ARMH4: variants seen among roughly 807,000 people sequenced by gnomAD.
ARMH4 encodes armadillo-like helical domain-containing protein 4.
In ARMH4, 49 loss-of-function variants were observed where a neutral mutation model predicts 61.9. The ratio of observed to expected loss-of-function variants is 0.79; its 90% CI spans 0.63 to 1.00. ARMH4 has a LOEUF of 1.00. Among genes scored for constraint, ARMH4 ranks in the 50% least tolerant of loss-of-function variants. The pLI is 0.00. For missense variants in ARMH4, 934 were observed against 930.0 expected (o/e 1.00, Z -0.06); for synonymous variants, 368 against 341.5 (o/e 1.08, Z -0.85).
At chr14:58,104,552 T>C (rs1886107187) in intron 4 of ARMH4, among the ~76,000 whole-genome samples, 1 of 152,344 alleles carries the variant, frequency 6.6e-6, no homozygotes, top group African/African-American at 2.4e-5. Flanking sequence ...ATGTTCTTTT[T>C]ATGGGCCTAC....
intron 6 of ARMH4, among the ~76,000 whole-genome samples, chr14:58,010,239 GATATATGTATATAT>G (rs1469852449): frequency 9.0e-6 from 1 of 110,632 alleles, no homozygotes; most frequent in Non-Finnish European, 2.1e-5. Context: ...GAGTGAGGAA[GATATATGTATATAT>G]ATATATGTGT....
intron 5 of ARMH4, among the ~76,000 whole-genome samples, chr14:58,071,339 T>A (rs1454716207): frequency 2.0e-5 from 3 of 152,130 alleles, no homozygotes. Context: ...TTGGAACTCT[T>A]AATAAATTGA....
intron 5 of ARMH4, among the ~76,000 whole-genome samples, chr14:58,012,588 C>T (rs1021382040): frequency 3.9e-5 from 6 of 152,174 alleles, no homozygotes; most frequent in Admixed American, 3.3e-4. Context: ...GGAAAATAAG[C>T]AAGCCCAGGT....
chr14:58,116,852 C>T (rs370508773), intron 4 of ARMH4, among the ~76,000 whole-genome samples: 9 of 152,140 alleles, frequency 5.9e-5, no homozygotes, highest in Non-Finnish European at 5.9e-5. Flanking sequence ...CAGCCATGAG[C>T]CCATATAATT....
intron 1 of ARMH4, among the ~76,000 whole-genome samples, chr14:58,148,114 A>G (rs182490736): frequency 1.3e-5 from 2 of 152,160 alleles, no homozygotes; most frequent in East Asian, 3.9e-4. Flanking sequence ...CAGTGGCATG[A>G]TCTCGGCTCA....
Position 58,139,089 on chromosome 14 carries a change from G to A in ARMH4, c.270C>T (p.Phe90=), listed in dbSNP as rs369357095. 1.1e-5 allele frequency: 17 copies of A among 1,614,114 alleles called. No homozygotes were observed. Among genetic ancestry groups the A allele is most frequent in the Non-Finnish European group, 1.4e-5 (17 of 1,180,044 alleles). ...VPSATSLNKA[F]SINKETQPGQ... ...CAGGCTGGGTTTCTTTGTTAATCGA[G>A]AATGCTTTATTTAATGATGTTGCCG... Residue 90 remains phenylalanine, a synonymous_variant, in exon 2 of 8, where the codon TTC becomes TTT. Coordinates refer to ENST00000267485, the MANE Select transcript of ARMH4 (RefSeq NM_001001872.4).
In ARMH4 at chr14:58,053,181, T is replaced by C. The variant is rs116927417; in HGVS notation, c.2090-41031A>G. ...ATTCTTGTTACTTCTTCACTCCACTTCCACTCTTTATATAGCAGTCCTTAC... is the reference window on the plus strand; with the variant it reads ...ATTCTTGTTACTTCTTCACTCCACTCCCACTCTTTATATAGCAGTCCTTAC... On this transcript the variant is annotated intron_variant, in intron 5 of 7. Transcript: ENST00000267485. Among the ~76,000 whole-genome samples, 979 of 152,288 alleles carry C rather than the reference T, an allele frequency of 6.4e-3. 6 individuals are homozygous for C. The highest frequency in any genetic ancestry group is 0.011 in the Non-Finnish European group (748 of 68,008).
chr14:58,005,159 C>T lies in ARMH4; in HGVS notation c.2145G>A (p.Leu715=). The T allele has an allele frequency of 6.2e-7, 1 of 1,613,964 alleles. No individual in the cohort carries two copies. ...KDKAGYMSGM[L]VPVGVGIAGA... is the part of the protein sequence containing the mutation. ...CAGCTATCCCAACCCCTACAGGCAC[C>T]AGCATCCCAGACATGTAACCAGCCT... Residue 715 remains leucine (L), a synonymous_variant, in exon 7 of 8, where the codon CTG becomes CTA. Coordinates refer to ENST00000267485, the MANE Select transcript of ARMH4 (RefSeq NM_001001872.4).
intron 5 of ARMH4, among the ~76,000 whole-genome samples, chr14:58,046,681 G>GGACT (rs1232404899): frequency 3.3e-5 from 5 of 152,076 alleles, no homozygotes; most frequent in African/African-American, 1.2e-4. Context: ...ACTTCCCAAG[G>GGACT]GACTTTCTTT....
intron 1 of ARMH4, among the ~76,000 whole-genome samples, chr14:58,146,423 T>C (rs908147767): frequency 1.3e-5 from 2 of 152,232 alleles, no homozygotes; most frequent in African/African-American, 4.8e-5. Context: ...CTAACCAAAT[T>C]ACCAACTGAT....
intron 5 of ARMH4, among the ~76,000 whole-genome samples, chr14:58,024,415 A>G (rs1882950355): frequency 6.6e-6 from 1 of 152,178 alleles, no homozygotes; most frequent in Non-Finnish European, 1.5e-5. Context: ...GCCTTCATAG[A>G]ATTTAAGAGA....
rs937221449 is a variant in ARMH4 at position 58,002,005 on chromosome 14, G to A, written c.*2731C>T. On this transcript the variant is annotated 3_prime_UTR_variant, in exon 8 of 8. Transcript: ENST00000267485. ...TTCACTGTTAAATGTTTTAAGCCTA[G>A]TTGTTTGAATAAAAAGTTGACTTTC... The A allele has an allele frequency of 6.6e-6, 1 of 152,134 alleles. No individual in the cohort carries two copies. Among genetic ancestry groups the A allele is most frequent in the Non-Finnish European group, 1.5e-5 (1 of 68,018 alleles). 9.4% of individuals were successfully genotyped at this position (152,134 alleles called of 1,614,324 possible). A position where few individuals can be genotyped will look rare whatever the true frequency, so the allele number is the denominator to read the frequency against.
chr14:58,121,939 C>CT (rs1190325148), intron 4 of ARMH4, among the ~76,000 whole-genome samples: 3 of 152,162 alleles, frequency 2.0e-5, no homozygotes, highest in African/African-American at 7.2e-5. Flanking sequence ...GAACAGGCAA[C>CT]TGGGGGAGAA....
In ARMH4 at chr14:58,002,056, T is replaced by C. The variant is rs1882004338; in HGVS notation, c.*2680A>G. 6.6e-6 allele frequency: 1 copy of C among 152,240 alleles called. No individual in the cohort carries two copies. The highest frequency in any genetic ancestry group is 2.4e-5 in the African/African-American group (1 of 41,462). 9.4% of individuals were successfully genotyped at this position (152,240 alleles called of 1,614,324 possible). On this transcript the variant is annotated 3_prime_UTR_variant, in exon 8 of 8. Transcript: ENST00000267485. Reference sequence around the variant, plus strand: ...TATTTTAATTGTGCAAATATAAGCATACTTGTCACTTATTTTGGGTAAACC... The same window carrying C: ...TATTTTAATTGTGCAAATATAAGCACACTTGTCACTTATTTTGGGTAAACC...
intron 2 of ARMH4, among the ~76,000 whole-genome samples, 194 bp from the exon 3 acceptor site, chr14:58,133,535 C>G (rs563214086): frequency 6.6e-6 from 1 of 152,220 alleles, no homozygotes; most frequent in South Asian, 2.1e-4. Context: ...AGTTGTGAAT[C>G]AATCTACAAC....
chr14:58,135,914 G>A (rs17094366), intron 2 of ARMH4, among the ~76,000 whole-genome samples: 4,469 of 151,962 alleles, frequency 0.029, 217 homozygotes, highest in African/African-American at 0.1. Flanking sequence ...GTCAATAATT[G>A]CAATCTTTCC....
At chr14:58,045,790 T>A (rs776954771) in intron 5 of ARMH4, among the ~76,000 whole-genome samples, 4 of 152,042 alleles carry the variant, frequency 2.6e-5, no homozygotes, top group Non-Finnish European at 4.4e-5. Flanking sequence ...CCAATATGAC[T>A]GATGTTCTTA....
chr14:58,017,977 A>G (rs942364641), intron 5 of ARMH4, among the ~76,000 whole-genome samples: 2 of 152,234 alleles, frequency 1.3e-5, no homozygotes, highest in African/African-American at 4.8e-5. Flanking sequence ...TCATGCATTT[A>G]CCATCAATTG....
chr14:58,078,474 C>T (rs1003385526), intron 5 of ARMH4, among the ~76,000 whole-genome samples: 1 of 152,136 alleles, frequency 6.6e-6, no homozygotes, highest in Non-Finnish European at 1.5e-5. Flanking sequence ...TAAAGAGGCC[C>T]TTCTGTAGCA....
Sources: allele counts gnomAD v4.1 joint callset (sites outside exome capture counted in the v4.1 genomes callset), GRCh38; gene constraint gnomAD v4.1.1; transcripts MANE v1.5; gene names NCBI Gene and HGNC (gene_info 2026-07-23, HGNC 2026-07-21).